EPB41L5: variants seen among roughly 807,000 people sequenced by gnomAD.
EPB41L5 encodes band 4.1-like protein 5.
Under a neutral mutation model 106.6 loss-of-function variants are expected in EPB41L5, and 55 were observed. The ratio of observed to expected loss-of-function variants is 0.52; its 90% CI spans 0.42 to 0.65. EPB41L5 has a LOEUF of 0.65. EPB41L5 is among the 30% of genes least tolerant of loss of function. The probability of loss-of-function intolerance (pLI) is 0.00; values close to 1 mark genes in which losing one functional copy is unlikely to be tolerated. For synonymous variants in EPB41L5, 297 were observed against 306.7 expected, an observed-to-expected ratio of 0.97 and a Z score of 0.33; for missense variants, 871 against 882.1, an observed-to-expected ratio of 0.99 and a Z score of 0.16.
chr2:120,158,411 C>T (rs898833890), intron 20 of EPB41L5, among the ~76,000 whole-genome samples: 1 of 152,152 alleles, frequency 6.6e-6, no homozygotes, highest in East Asian at 1.9e-4. Context: ...AGCTATACCC[C>T]TGGGATGCAA....
At chr2:120,062,518 G>C (rs1432990887) in intron 3 of EPB41L5, among the ~76,000 whole-genome samples, 3 of 152,096 alleles carry the variant, frequency 2.0e-5, no homozygotes, top group Admixed American at 6.5e-5. Flanking sequence ...GAATCATCAG[G>C]TCAAAGAGAG....
intron 2 of EPB41L5, among the ~76,000 whole-genome samples, chr2:120,037,588 A>G (rs752363904): frequency 4.6e-5 from 7 of 152,134 alleles, no homozygotes; most frequent in Non-Finnish European, 1.0e-4. Context: ...TGGCTAAGGC[A>G]GGAGGATTGC....
intron 19 of EPB41L5, among the ~76,000 whole-genome samples, chr2:120,143,711 T>C (rs1686280398): frequency 1.3e-5 from 2 of 152,220 alleles, no homozygotes; most frequent in South Asian, 4.1e-4. Context: ...TTACCCATCC[T>C]GTCCTCAGGT....
intron 20 of EPB41L5, among the ~76,000 whole-genome samples, chr2:120,148,403 T>C (rs888188902): frequency 5.9e-5 from 9 of 152,040 alleles, no homozygotes; most frequent in Non-Finnish European, 1.3e-4. Flanking sequence ...ATACTCATCC[T>C]CATTCTACCT....
intron 11 of EPB41L5, among the ~76,000 whole-genome samples, chr2:120,087,977 A>G (rs1246551814): frequency 6.6e-6 from 1 of 152,242 alleles, no homozygotes. Flanking sequence ...GACTCCATTT[A>G]TCTGATACTT....
At chr2:120,014,669 G>A (rs1198901137) in intron 1 of EPB41L5, among the ~76,000 whole-genome samples, 3 of 152,062 alleles carry the variant, frequency 2.0e-5, no homozygotes, top group African/African-American at 7.2e-5. Flanking sequence ...TGGAAGAGAG[G>A]TCAACTGGAA....
chr2:120,063,484 A>G (rs1681219379), intron 3 of EPB41L5, among the ~76,000 whole-genome samples: 1 of 152,116 alleles, frequency 6.6e-6, no homozygotes, highest in African/African-American at 2.4e-5. Flanking sequence ...CTGGAAAGTG[A>G]ATATATAACC....
intron 10 of EPB41L5, among the ~76,000 whole-genome samples, chr2:120,082,342 C>T (rs1159340075): frequency 6.6e-6 from 1 of 152,062 alleles, no homozygotes; most frequent in Non-Finnish European, 1.5e-5. Context: ...TTATCAAAGG[C>T]TTTTTCTGCA....
intron 20 of EPB41L5, among the ~76,000 whole-genome samples, chr2:120,151,299 C>CAAA (rs1468436883): frequency 5.3e-5 from 8 of 150,010 alleles, no homozygotes; most frequent in South Asian, 2.1e-4. Context: ...GACTCCATCT[C>CAAA]AAAAAATAAT....
chr2:120,128,705 A>G (rs1279753171), intron 17 of EPB41L5, among the ~76,000 whole-genome samples: 1 of 150,470 alleles, frequency 6.6e-6, no homozygotes, highest in Admixed American at 6.6e-5. Flanking sequence ...CTGGTACATC[A>G]TGGTTTTTTT....
At chr2:120,122,849 C>CAT (rs780927976) in intron 16 of EPB41L5, among the ~76,000 whole-genome samples, 148 of 152,258 alleles carry the variant, frequency 9.7e-4, no homozygotes, top group Non-Finnish European at 1.2e-3. Flanking sequence ...TCTTTTATTT[C>CAT]TGAGCAGTGG....
intron 18 of EPB41L5, among the ~76,000 whole-genome samples, chr2:120,142,113 T>TTTA (rs755241969): frequency 7.0e-6 from 1 of 143,188 alleles, no homozygotes; most frequent in African/African-American, 2.6e-5. Context: ...CTTTCTTTTT[T>TTTA]AAAAAAAAAA....
At chr2:120,048,118 T>TTC (rs139983974) in intron 3 of EPB41L5, among the ~76,000 whole-genome samples, 151,932 of 152,126 alleles carry the variant, frequency 1, 75,869 homozygotes, top group Middle Eastern at 1. Flanking sequence ...TGGTCTAAAA[T>TTC]TCTTTTTTTG....
chr2:120,076,988 G>T lies in EPB41L5; in HGVS notation c.523G>T (p.Asp175Tyr). The stretch of plus-strand genomic sequence containing the variant: ...GTTTATAGCTGAACTTGGTGACTAT[G>T]ATCTTGCTGAGCATAGTCCTGAACT... The part of the protein sequence containing the change: ...YNLQAELGDY[D>Y]LAEHSPELVS... Residue 175 changes from aspartate to tyrosine, a missense_variant, in exon 8 of 25, where the codon GAT becomes TAT. By Grantham distance (160) the Asp-to-Tyr change is radical. Coordinates refer to ENST00000263713, the MANE Select transcript of EPB41L5 (RefSeq NM_020909.4). The T allele has an allele frequency of 6.2e-7, 1 of 1,602,736 alleles. No individual in the cohort carries two copies. The highest frequency in any genetic ancestry group is 1.1e-5 in the South Asian group (1 of 88,450).
rs1687984808 is a variant in EPB41L5, at chr2:120,178,202, A to C, written c.*3295A>C. 3 of 152,512 alleles carry C rather than the reference A, an allele frequency of 2.0e-5. 1 individual carries two copies. The South Asian group carries it at 6.2e-4, about 32-fold the overall frequency. 9.4% of individuals were successfully genotyped at this position (152,512 alleles called of 1,614,324 possible). A position where few individuals can be genotyped will look rare whatever the true frequency, so the allele number is the denominator to read the frequency against. On this transcript the variant is annotated 3_prime_UTR_variant, in exon 25 of 25. Transcript: ENST00000263713. ...CAAAGCCGCTGACCCCTGATGTGAA[A>C]CTTTGTAGAGCAGCAGAGTGGCTGC...
chr2:120,143,290 A>T (rs1686265489), intron 19 of EPB41L5, among the ~76,000 whole-genome samples, 159 bp downstream of exon 19: 1 of 152,142 alleles, frequency 6.6e-6, no homozygotes. Context: ...CGAAGGCTAA[A>T]AAAGCCAAAT....
chr2:120,069,746 A>G (rs1408978717), intron 3 of EPB41L5, among the ~76,000 whole-genome samples: 2 of 152,228 alleles, frequency 1.3e-5, no homozygotes, highest in African/African-American at 4.8e-5. Context: ...TAAGGCAGAA[A>G]TCAGTAAGTT....
intron 11 of EPB41L5, 35 bp downstream of exon 11, chr2:120,087,275 CAG>C: frequency 1.6e-6 from 2 of 1,242,804 alleles, no homozygotes; most frequent in Non-Finnish European, 2.3e-6. Flanking sequence ...ACTTGTGTAA[CAG>C]TGACTGTATT....
intron 2 of EPB41L5, among the ~76,000 whole-genome samples, chr2:120,024,596 A>G (rs1678180422): frequency 6.6e-6 from 1 of 151,990 alleles, no homozygotes; most frequent in African/African-American, 2.4e-5. Context: ...AGCTGGGACT[A>G]CAGGTGCCTG....
Sources: allele counts gnomAD v4.1 joint callset (sites outside exome capture counted in the v4.1 genomes callset), GRCh38; gene constraint gnomAD v4.1.1; transcripts MANE v1.5; gene names NCBI Gene and HGNC (gene_info 2026-07-23, HGNC 2026-07-21).